Variants in PCDHGA3 observed in about 807,000 individuals in gnomAD.
PCDHGA3 encodes the protein protocadherin gamma-A3.
In PCDHGA3, 40 loss-of-function variants were observed where a neutral mutation model predicts 58.5. The observed-to-expected ratio is 0.68, with a 90% CI of 0.53 to 0.89. PCDHGA3 has a LOEUF of 0.89. PCDHGA3 is among the 40% of genes least tolerant of loss of function. The pLI, the probability that PCDHGA3 is intolerant of heterozygous loss-of-function variation, is 0.00. For synonymous variants in PCDHGA3, 530 were observed against 525.7 expected, an observed-to-expected ratio of 1.01 and a Z score of -0.11; for missense variants, 1,223 against 1,195.9, an observed-to-expected ratio of 1.02 and a Z score of -0.33.
At chr5:141,427,897 C>T (rs866283444) in intron 1 of PCDHGA3, 1 of 1,571,008 alleles carries the variant, frequency 6.4e-7, no homozygotes. Context: ...CAGGGCTCGC[C>T]CGCGCTCAGC....
intron 1 of PCDHGA3, among the ~76,000 whole-genome samples, chr5:141,460,983 GTATA>G (rs59296681): frequency 0.024 from 3,365 of 137,748 alleles, 55 homozygotes; most frequent in African/African-American, 0.035. Flanking sequence ...GTGTGTGTGT[GTATA>G]TATATATATG....
chr5:141,491,560 T>C lies in PCDHGA3; in HGVS notation c.2425-3247T>C. 1 of 1,613,986 alleles carries C rather than the reference T, an allele frequency of 6.2e-7. No homozygotes were observed. Among genetic ancestry groups the C allele is most frequent in the Non-Finnish European group, 8.5e-7 (1 of 1,180,026 alleles). ...GCCCACAGACTCGCAGAGCCACTGCTACAGGACGTGCTTTTCACCGGCCTC... is the reference window on the plus strand; with the variant it reads ...GCCCACAGACTCGCAGAGCCACTGCCACAGGACGTGCTTTTCACCGGCCTC... On this transcript the variant is annotated intron_variant, in intron 1 of 3. Coordinates refer to ENST00000253812, the MANE Select transcript of PCDHGA3 (RefSeq NM_018916.4). This position sits in a 1 kb window ranked among gnomAD's most constrained non-coding sequence, Gnocchi z 6.9.
chr5:141,345,719 C>A lies in PCDHGA3; in HGVS notation c.1686C>A (p.Ile562=), dbSNP rs773398716. 5 of 1,614,258 alleles carry A rather than the reference C, an allele frequency of 3.1e-6. No homozygotes were observed. The highest frequency in any genetic ancestry group is 4.2e-6 in the Non-Finnish European group (5 of 1,180,056). The change falls in exon 1 of 4, where the codon ATC becomes ATA. Residue 562 remains isoleucine (I), a synonymous_variant. Coordinates refer to ENST00000253812, the MANE Select transcript of PCDHGA3 (RefSeq NM_018916.4). The stretch of plus-strand genomic sequence containing the variant: ...ACCAGAACGACAACGCGCCCGAGAT[C>A]CTGTACCCCGCCCTCCCCACAGACG... ...VLDQNDNAPE[I]LYPALPTDGS...
In PCDHGA3 at chr5:141,511,829, G is replaced by A. The variant is rs1181369164; in HGVS notation, c.*656G>A. 1 of 156,774 alleles carries A rather than the reference G, an allele frequency of 6.4e-6. No individual in the cohort carries two copies. Among genetic ancestry groups the A allele is most frequent in the Non-Finnish European group, 1.4e-5 (1 of 70,652 alleles). The allele number at this position is 156,774 out of a possible 1,614,324, so 9.7% of individuals were successfully genotyped here. Reference sequence around the variant, plus strand: ...TACCAAGCCTCTTCCCAACGCCCTGGGGACCAGTCTTCTGTTTTGTTTTTC... The same window carrying A: ...TACCAAGCCTCTTCCCAACGCCCTGAGGACCAGTCTTCTGTTTTGTTTTTC... On this transcript the variant is annotated 3_prime_UTR_variant, in exon 4 of 4. Transcript: ENST00000253812.
chr5:141,415,078 G>T (rs780547982), intron 1 of PCDHGA3: 2 of 1,613,376 alleles, frequency 1.2e-6, no homozygotes, highest in Non-Finnish European at 8.5e-7. Context: ...CACGGCGCGA[G>T]CCCTGCTGGA....
chr5:141,355,640 A>C (rs373212603), intron 1 of PCDHGA3: 24 of 1,613,870 alleles, frequency 1.5e-5, no homozygotes, highest in Non-Finnish European at 2.0e-5. Flanking sequence ...GAAAATGAAA[A>C]TCCTGGGGCA....
intron 1 of PCDHGA3, among the ~76,000 whole-genome samples, chr5:141,349,205 C>A (rs141929057): frequency 3.3e-5 from 5 of 151,242 alleles, no homozygotes; most frequent in African/African-American, 1.2e-4. Flanking sequence ...GAGTAGCTGG[C>A]GTTACAGGTA....
At chr5:141,418,127 A>T in intron 1 of PCDHGA3, 1 of 1,614,104 alleles carries the variant, frequency 6.2e-7, no homozygotes, top group Non-Finnish European at 8.5e-7. Context: ...GAAGGACCGA[A>T]TAGACCGTGA....
At chr5:141,408,929 A>G in intron 1 of PCDHGA3, 1 of 1,613,518 alleles carries the variant, frequency 6.2e-7, no homozygotes, top group Non-Finnish European at 8.5e-7. Context: ...CCCGGTTTTC[A>G]GCAGAGACGA....
At chr5:141,364,982 G>A (rs745559474) in intron 1 of PCDHGA3, 1 of 1,613,868 alleles carries the variant, frequency 6.2e-7, no homozygotes, top group South Asian at 1.1e-5. Flanking sequence ...TTTAGATGGC[G>A]GAGACCCGGT....
At position 141,432,646 on chromosome 5, in the gene PCDHGA3, G is replaced by A. The variant is rs780822589; in HGVS notation, c.2425-62161G>A. 9.3e-6 allele frequency: 15 copies of A among 1,613,690 alleles called. No individual in the cohort carries two copies. The highest frequency in any genetic ancestry group is 1.3e-5 in the Non-Finnish European group (15 of 1,179,944). ...TGCACACGGGCGAGGTGCGCACGGCGCGAGCCCTGCTGGACAGAGACGCGC... is the reference window on the plus strand; with the variant it reads ...TGCACACGGGCGAGGTGCGCACGGCACGAGCCCTGCTGGACAGAGACGCGC... On this transcript the variant is annotated intron_variant, in intron 1 of 3. Transcript: ENST00000253812. This position sits in a 1 kb window ranked among gnomAD's most constrained non-coding sequence, Gnocchi z 6.0.
intron 1 of PCDHGA3, chr5:141,423,559 G>T: frequency 6.2e-7 from 1 of 1,613,584 alleles, no homozygotes; most frequent in Non-Finnish European, 8.5e-7. Flanking sequence ...CAACTATGGG[G>T]ACACGCTCAT....
chr5:141,344,450 A>G lies in PCDHGA3; in HGVS notation c.417A>G (p.Glu139=), dbSNP rs1468158906. 1 of 1,613,824 alleles carries G rather than the reference A, an allele frequency of 6.2e-7. No homozygotes were observed. Among genetic ancestry groups the G allele is most frequent in the African/African-American group, 1.3e-5 (1 of 75,050 alleles). Residue 139 remains glutamate (E), a synonymous_variant, in exon 1 of 4, where the codon GAA becomes GAG. Transcript: ENST00000253812. ...CTAATTTCCCAACAGAGGAATTGGA[A>G]ATAAAAATTGGTGAACTAACGGTTC... The part of the protein sequence containing the change: ...NAPNFPTEEL[E]IKIGELTVPG...
At chr5:141,440,912 G>A (rs1281398967) in intron 1 of PCDHGA3, 1 of 152,254 alleles carries the variant, frequency 6.6e-6, no homozygotes, top group African/African-American at 2.4e-5. Context: ...GGGCACTCCT[G>A]TGCTGAGAGT....
chr5:141,442,786 A>T (rs569050347), intron 1 of PCDHGA3, among the ~76,000 whole-genome samples: 12 of 152,308 alleles, frequency 7.9e-5, no homozygotes, highest in African/African-American at 2.6e-4. Context: ...TATATTTTAT[A>T]ATTTTACTTT....
intron 1 of PCDHGA3, among the ~76,000 whole-genome samples, chr5:141,483,466 A>C (rs1212605130): frequency 6.6e-6 from 1 of 152,188 alleles, no homozygotes. Context: ...GTTGATTGAC[A>C]TGATATAGGA....
intron 1 of PCDHGA3, chr5:141,418,165 T>G (rs1296752918): frequency 6.2e-7 from 1 of 1,614,034 alleles, no homozygotes. Flanking sequence ...GAAGAAGATG[T>G]GAGTTGCAAT....
At chr5:141,375,139 A>G (rs1406415297) in intron 1 of PCDHGA3, 11 of 1,613,936 alleles carry the variant, frequency 6.8e-6, no homozygotes, top group Non-Finnish European at 9.3e-6. Context: ...TTACATCTGG[A>G]AGCAGAACAA....
intron 1 of PCDHGA3, chr5:141,389,363 C>T (rs776814041): frequency 1.2e-6 from 2 of 1,613,868 alleles, no homozygotes; most frequent in South Asian, 2.2e-5. Flanking sequence ...TGGCCAGTGA[C>T]CTGGAGCAGC....
Sources: gnomAD v4.1 joint callset for allele counts (sites outside exome capture counted in the v4.1 genomes callset) on GRCh38, gnomAD v4.1.1 for gene constraint, Gnocchi (gnomAD v3.1) non-coding constraint, MANE v1.5 for transcripts, NCBI Gene and HGNC (gene_info 2026-07-23, HGNC 2026-07-21) for gene names.